Variants in TULP4 observed in about 807,000 individuals in gnomAD.
TULP4 encodes TUB like protein 4.
TULP4 carries 16 observed loss-of-function variants against 129.0 expected under a neutral mutation model. The ratio of observed to expected loss-of-function variants is 0.12; its 90% CI spans 0.08 to 0.19. The LOEUF is 0.19. TULP4 is among the 10% of genes least tolerant of loss of function. TULP4 has a pLI of 1.00. For synonymous variants in TULP4, 998 were observed against 854.0 expected (o/e 1.17, Z -2.94); for missense variants, 1,842 against 2,059.1 (o/e 0.89, Z 2.04).
At chr6:158,491,919 C>T (rs1157720269) in intron 9 of TULP4, among the ~76,000 whole-genome samples, 3 of 151,866 alleles carry the variant, frequency 2.0e-5, no homozygotes, top group Non-Finnish European at 4.4e-5. Flanking sequence ...AGTGCAGTGG[C>T]GTGATCTTGG....
At chr6:158,459,156 C>T (rs1430183964) in intron 5 of TULP4, among the ~76,000 whole-genome samples, 3 of 152,292 alleles carry the variant, frequency 2.0e-5, no homozygotes, top group South Asian at 2.1e-4. Context: ...CCTGGCCGGG[C>T]GCGGTGGCTC....
intron 1 of TULP4, among the ~76,000 whole-genome samples, chr6:158,405,653 G>A (rs928884965): frequency 6.6e-6 from 1 of 152,104 alleles, no homozygotes; most frequent in Non-Finnish European, 1.5e-5. Flanking sequence ...CACGAGCCCT[G>A]GATTCTATCC....
At chr6:158,335,437 G>T (rs1583762356) in intron 1 of TULP4, among the ~76,000 whole-genome samples, 3 of 116,882 alleles carry the variant, frequency 2.6e-5, no homozygotes, top group African/African-American at 6.6e-5. Context: ...TTAGTTTTTT[G>T]ATCTTTTCCT....
chr6:158,276,149 T>C (rs747131712), intron 1 of TULP4, among the ~76,000 whole-genome samples: 1 of 152,058 alleles, frequency 6.6e-6, no homozygotes, highest in Admixed American at 6.5e-5. Context: ...TTTGTGTTTT[T>C]AGTAGAGACG....
At chr6:158,279,888 T>C (rs1475597342), upstream of TULP4, among the ~76,000 whole-genome samples, 1 of 152,246 alleles carries the variant, frequency 6.6e-6, no homozygotes, top group Non-Finnish European at 1.5e-5. Context: ...AGATGGTTTT[T>C]CCCTAGACCA....
intron 1 of TULP4, among the ~76,000 whole-genome samples, chr6:158,285,310 AT>A (rs1379371374): frequency 3.5e-4 from 54 of 152,282 alleles, no homozygotes; most frequent in African/African-American, 1.2e-3. Context: ...AATAAACAAC[AT>A]ATTATTTGTT....
At chr6:158,239,133 G>A (rs1176225981) in intron 1 of TULP4, among the ~76,000 whole-genome samples, 118 of 100,528 alleles carry the variant, frequency 1.2e-3, no homozygotes, top group East Asian at 1.7e-3. Flanking sequence ...AGGGGCGGCC[G>A]GGCAGAGGCG....
intron 1 of TULP4, among the ~76,000 whole-genome samples, chr6:158,292,123 T>C (rs1778953042): frequency 1.3e-5 from 2 of 152,204 alleles, no homozygotes; most frequent in African/African-American, 4.8e-5. Flanking sequence ...TTGTATTTGC[T>C]CTGATATACA....
chr6:158,306,182 T>G (rs1779214301), intron 1 of TULP4, among the ~76,000 whole-genome samples: 1 of 152,268 alleles, frequency 6.6e-6, no homozygotes, highest in South Asian at 2.1e-4. Flanking sequence ...GTTAAAAACC[T>G]TAACAGTATA....
rs1255834198 is a variant in TULP4, at chr6:158,386,224, A to G, written c.253-26841A>G. On this transcript the variant is annotated intron_variant, in intron 1 of 13. Coordinates refer to ENST00000367097, the MANE Select transcript of TULP4 (RefSeq NM_020245.5). ...CCCTAAATTTTTTTTATTTAAACCT[A>G]TTCATAACTCTCAGATCAGACTCCT... 4.6e-5 allele frequency among the ~76,000 whole-genome samples: 7 copies of G among 152,188 alleles called. No homozygotes were observed. In the South Asian group the frequency reaches 1.2e-3, roughly 27 times the overall value.
intron 1 of TULP4, among the ~76,000 whole-genome samples, chr6:158,235,675 A>G (rs1777678010): frequency 6.6e-6 from 1 of 152,144 alleles, no homozygotes; most frequent in Non-Finnish European, 1.5e-5. Flanking sequence ...AAAACTGAAT[A>G]ATATTCCATT....
intron 6 of TULP4, among the ~76,000 whole-genome samples, chr6:158,471,354 T>C (rs1779678364): frequency 1.3e-5 from 2 of 152,164 alleles, no homozygotes; most frequent in South Asian, 4.1e-4. Context: ...GTAGTACCGA[T>C]TGCCTAAAAT....
upstream of TULP4, among the ~76,000 whole-genome samples, chr6:158,280,828 G>C (rs561111415): frequency 2.5e-3 from 382 of 152,334 alleles, 2 homozygotes; most frequent in Non-Finnish European, 3.8e-3. Context: ...GTTTTATTCT[G>C]CTTAGCACAG....
intron 1 of TULP4, among the ~76,000 whole-genome samples, chr6:158,391,133 T>C (rs114769730): frequency 7.2e-4 from 110 of 152,306 alleles, no homozygotes; most frequent in African/African-American, 2.4e-3. Context: ...TTTGAAATAA[T>C]AGTCGAATGA....
chr6:158,506,027 C>G lies in TULP4; in HGVS notation c.4516-551C>G, dbSNP rs2128267655. 1.3e-5 allele frequency among the ~76,000 whole-genome samples: 2 copies of G among 152,154 alleles called. 1 individual carries two copies. The highest frequency in any genetic ancestry group is 4.2e-4 in the South Asian group (2 of 4,818). On this transcript the variant is annotated intron_variant, in intron 13 of 13. Transcript: ENST00000367097. ...ATGGAGCTGGAGGCCATTGTCCCCA[C>G]ATTCCAAACCTTGCTCACTGTCTCC...
intron 2 of TULP4, among the ~76,000 whole-genome samples, chr6:158,414,287 T>G (rs544768523): frequency 6.6e-6 from 1 of 152,324 alleles, no homozygotes; most frequent in East Asian, 1.9e-4. Flanking sequence ...CTGGCCTTCT[T>G]GAAGGAGAGC....
chr6:158,428,532 A>G (rs341104), intron 2 of TULP4, among the ~76,000 whole-genome samples: 64,671 of 152,054 alleles, frequency 0.43, 14,266 homozygotes, highest in South Asian at 0.56. Context: ...CAATAGATTA[A>G]TAGAGGGAAA....
chr6:158,283,134 G>A (rs1269770739), intron 1 of TULP4, among the ~76,000 whole-genome samples: 1 of 125,156 alleles, frequency 8.0e-6, no homozygotes, highest in Non-Finnish European at 1.7e-5. Context: ...GCAAGACTCC[G>A]TCTCAAAAAA....
Position 158,313,249 on chromosome 6 carries a change from G to A in TULP4, c.-768G>A, listed in dbSNP as rs752682872. On this transcript the variant is annotated 5_prime_UTR_variant, in exon 1 of 14. Coordinates refer to ENST00000367097, the MANE Select transcript of TULP4 (RefSeq NM_020245.5). ...GCGCCGGCTGGTGGAGGAGCAGTCC[G>A]ATGGAGCCCTGCGTTCCCCGGGGAC... 2.7e-5 allele frequency: 10 copies of A among 366,844 alleles called. No individual in the cohort carries two copies. The highest frequency in any genetic ancestry group is 4.3e-5 in the Non-Finnish European group (9 of 207,094). The allele number at this position is 366,844 out of a possible 1,614,324, so 22.7% of individuals were successfully genotyped here. A position where few individuals can be genotyped will look rare whatever the true frequency, so the allele number is the denominator to read the frequency against.
Sources: allele counts gnomAD v4.1 joint callset (sites outside exome capture counted in the v4.1 genomes callset), GRCh38; gene constraint gnomAD v4.1.1; transcripts MANE v1.5; gene names NCBI Gene and HGNC (gene_info 2026-07-23, HGNC 2026-07-21).